The following DDX60 variants were observed in gnomAD, a reference collection of about 807,000 sequenced individuals.
DDX60 encodes DExD/H-box helicase 60, also known as probable ATP-dependent RNA helicase DDX60.
Under a neutral mutation model 212.8 loss-of-function variants are expected in DDX60, and 165 were observed. The ratio of observed to expected loss-of-function variants is 0.78; its 90% CI spans 0.68 to 0.88. The LOEUF (loss-of-function observed/expected upper bound fraction) is 0.88. Among genes scored for constraint, DDX60 ranks in the 40% least tolerant of loss-of-function variants. The pLI is 0.00. For missense variants in DDX60, 1,905 were observed against 2,003.9 expected, an observed-to-expected ratio of 0.95 and a Z score of 0.94; for synonymous variants, 703 against 685.3, an observed-to-expected ratio of 1.03 and a Z score of -0.40.
At position 168,302,326 on chromosome 4, in the gene DDX60, A is replaced by T; in HGVS notation, c.697T>A (p.Leu233Ile). ...LSALAPLFGS[L>I]KWNNITEEAH... ...TCTTCCGTAATATTATTCCATTTTA[A>T]ACTTCCAAAAAGAGGTGCTAATGCT... Residue 233 changes from leucine (L) to isoleucine (I), a missense_variant, in exon 6 of 38, where the codon TTA becomes ATA. Transcript: ENST00000393743. 4 of 1,566,916 alleles carry T rather than the reference A, an allele frequency of 2.6e-6. No individual in the cohort carries two copies. The highest frequency in any genetic ancestry group is 3.5e-6 in the Non-Finnish European group (4 of 1,152,022).
At chr4:168,278,761 G>A (rs189272905) in intron 14 of DDX60, among the ~76,000 whole-genome samples, 37 of 152,222 alleles carry the variant, frequency 2.4e-4, no homozygotes, top group African/African-American at 7.5e-4. Context: ...CCCAGGAGGC[G>A]GAGGTTGCAG....
At chr4:168,231,446 A>T (rs1733451714) in intron 33 of DDX60, among the ~76,000 whole-genome samples, 1 of 152,064 alleles carries the variant, frequency 6.6e-6, no homozygotes. Flanking sequence ...TCTGATGAAC[A>T]TAAACGCAAA....
intron 16 of DDX60, among the ~76,000 whole-genome samples, chr4:168,274,819 G>A (rs1440545903): frequency 6.6e-6 from 1 of 152,144 alleles, no homozygotes; most frequent in Non-Finnish European, 1.5e-5. Flanking sequence ...CTGCATTTCT[G>A]TAGGCAAACA....
chr4:168,266,581 AT>A (rs1177238220), intron 22 of DDX60, among the ~76,000 whole-genome samples: 2 of 152,188 alleles, frequency 1.3e-5, no homozygotes, highest in Admixed American at 6.5e-5. Context: ...GATGAACAGT[AT>A]CTGAATGACT....
intron 5 of DDX60, among the ~76,000 whole-genome samples, chr4:168,305,392 GTTAA>G (rs1327983621): frequency 6.6e-6 from 1 of 152,042 alleles, no homozygotes; most frequent in African/African-American, 2.4e-5. Context: ...AGTGACAAAT[GTTAA>G]TTGTCTCAAA....
At chr4:168,223,778 CAA>C (rs1036657527) in intron 35 of DDX60, among the ~76,000 whole-genome samples, 1 of 151,954 alleles carries the variant, frequency 6.6e-6, no homozygotes, top group African/African-American at 2.4e-5. Context: ...CACTTTTTCT[CAA>C]AGTTTGTATT....
In DDX60 at chr4:168,294,070, C is replaced by T. The variant is rs919693758; in HGVS notation, c.724-125G>A. 3 of 764,594 alleles carry T rather than the reference C, an allele frequency of 3.9e-6. No homozygotes were observed. In the African/African-American group the frequency reaches 5.4e-5, roughly 14 times the overall value. The allele number at this position is 764,594 out of a possible 1,614,324, so 47.4% of individuals were successfully genotyped here. A position where few individuals can be genotyped will look rare whatever the true frequency, so the allele number is the denominator to read the frequency against. On this transcript the variant is annotated intron_variant, in intron 6 of 37. Transcript: ENST00000393743. ...TGACAAAATAATCTGTACAACAAAC[C>T]CCCGTGACACAAGTTTACCTCCATA...
At chr4:168,265,519 A>G (rs1460325421) in intron 22 of DDX60, 1 of 152,138 alleles carries the variant, frequency 6.6e-6, no homozygotes. Context: ...ACATCTTAAG[A>G]AGACTCATAC....
intron 20 of DDX60, 88 bp downstream of exon 20, chr4:168,268,766 G>GA: frequency 1.4e-6 from 1 of 710,744 alleles, no homozygotes; most frequent in African/African-American, 1.8e-5. Flanking sequence ...AGAAAATTAT[G>GA]AAACTCCTCA....
At chr4:168,243,700 T>A (rs1032565372) in intron 30 of DDX60, among the ~76,000 whole-genome samples, 1 of 152,184 alleles carries the variant, frequency 6.6e-6, no homozygotes, top group Non-Finnish European at 1.5e-5. Flanking sequence ...AGTGTGGAGA[T>A]TCCTCAAAGA....
In DDX60 at chr4:168,224,284, T is replaced by C. The variant is rs753812127; in HGVS notation, c.4783A>G (p.Asn1595Asp). ...AGTCGAAGCAAATCATCATCAAAGT[T>C]CCCAGACAGACAAACAAATGGTGAA... The part of the protein sequence containing the change: ...AISPFVCLSG[N>D]FDDDLLRLET... Residue 1595 changes from asparagine (N) to aspartate (D), a missense_variant, in exon 35 of 38, where the codon AAC (asparagine) becomes GAC (aspartate). Physicochemically the swap from Asn to Asp is conservative, Grantham distance 23. Transcript: ENST00000393743. 5 of 1,612,406 alleles carry C rather than the reference T, an allele frequency of 3.1e-6. No individual in the cohort carries two copies. Among genetic ancestry groups the C allele is most frequent in the Non-Finnish European group, 4.2e-6 (5 of 1,178,996 alleles).
chr4:168,216,759 A>T lies in DDX60; in HGVS notation c.*174T>A. The T allele has an allele frequency of 2.0e-6, 1 of 503,896 alleles. No individual in the cohort carries two copies. The highest frequency in any genetic ancestry group is 3.4e-6 in the Non-Finnish European group (1 of 290,308). 31.2% of individuals were successfully genotyped at this position (503,896 alleles called of 1,614,324 possible). On this transcript the variant is annotated 3_prime_UTR_variant, in exon 38 of 38. Coordinates refer to ENST00000393743, the MANE Select transcript of DDX60 (RefSeq NM_017631.6). ...AATTTGTGAGTATTCATGACAGAAC[A>T]TGGCAGGTTTGATTGCAACTCTGTT...
intron 26 of DDX60, among the ~76,000 whole-genome samples, chr4:168,254,565 A>G (rs1322507617): frequency 6.6e-6 from 1 of 152,226 alleles, no homozygotes; most frequent in Admixed American, 6.5e-5. Flanking sequence ...TAATGTGCTA[A>G]GCACTAAAGA....
chr4:168,284,670 A>C, intron 12 of DDX60, 150 bp downstream of exon 12: 1 of 472,734 alleles, frequency 2.1e-6, no homozygotes, highest in Non-Finnish European at 3.8e-6. Context: ...ATTTTTCATT[A>C]CCATCTTTCC....
chr4:168,297,302 GA>G lies in DDX60; in HGVS notation c.724-3358del, dbSNP rs1490342700. Among the ~76,000 whole-genome samples the G allele has an allele frequency of 5.2e-3, 32 of 6,098 alleles. 2 individuals carry two copies. The highest frequency in any genetic ancestry group is 7.9e-3 in the Admixed American group (4 of 508). The allele number at this position is 6,098 out of a possible 152,430, so 4.0% of individuals were successfully genotyped here. A position where few individuals can be genotyped will look rare whatever the true frequency, so the allele number is the denominator to read the frequency against. ...GAAAGAAAGAGAGAGAGAGACGAAA[GA>G]AAGAAAGAAAGAAAGAAAGAAAGAA... On this transcript the variant is annotated intron_variant, in intron 6 of 37. Coordinates refer to ENST00000393743, the MANE Select transcript of DDX60 (RefSeq NM_017631.6).
intron 9 of DDX60, 30 bp from the exon 10 acceptor site, chr4:168,287,233 A>G (rs775925961): frequency 4.5e-6 from 7 of 1,567,146 alleles, no homozygotes; most frequent in Non-Finnish European, 6.1e-6. Flanking sequence ...ACTAAATACT[A>G]GAAGCCATCC....
Position 168,267,843 on chromosome 4 carries a change from A to C in DDX60, c.2927T>G (p.Leu976Arg). ...LQVKQSYKVR[L>R]VLYGERYNDL... ...TTATATAAATATATCAAACATACCA[A>C]GTCTAACTTTATACGATTGTTTTAC... The change falls in exon 21 of 38, where the codon CTT (leucine) becomes CGT (arginine). Residue 976 changes from leucine to arginine, a missense_variant and splice_region_variant. Leu to Arg is a moderately radical substitution (Grantham distance 102, BLOSUM62 -2). Transcript: ENST00000393743. 2 of 1,607,230 alleles carry C rather than the reference A, an allele frequency of 1.2e-6. No individual in the cohort carries two copies. Among genetic ancestry groups the C allele is most frequent in the Non-Finnish European group, 1.7e-6 (2 of 1,177,312 alleles).
Position 168,306,597 on chromosome 4 carries a change from C to G in DDX60, c.388G>C (p.Glu130Gln), listed in dbSNP as rs1265528471. Residue 130 changes from glutamate to glutamine, a missense_variant, in exon 5 of 38, where the codon GAG becomes CAG. Coordinates refer to ENST00000393743, the MANE Select transcript of DDX60 (RefSeq NM_017631.6). ...CTCTCTTCCAAGAAACTTCCCCACT[C>G]TTTTGATAAGCATCTCGAAAATGTT... ...RTTFSRCLSKEWGSFLEESYP... is the reference protein window; with the variant it reads ...RTTFSRCLSKQWGSFLEESYP... The G allele has an allele frequency of 1.9e-6, 3 of 1,614,182 alleles. No individual in the cohort carries two copies. Among genetic ancestry groups the G allele is most frequent in the Admixed American group, 1.7e-5 (1 of 60,026 alleles).
At chr4:168,290,484 A>G (rs112106418) in intron 8 of DDX60, among the ~76,000 whole-genome samples, 2,028 of 151,716 alleles carry the variant, frequency 0.013, 22 homozygotes, top group Middle Eastern at 0.041. Context: ...GCCTACCACC[A>G]TGCCTGGCTA....
Sources: allele counts gnomAD v4.1 joint callset (sites outside exome capture counted in the v4.1 genomes callset), GRCh38; gene constraint gnomAD v4.1.1; transcripts MANE v1.5; gene names NCBI Gene and HGNC (gene_info 2026-07-23, HGNC 2026-07-21).